The following RHCE variants were observed in gnomAD, a reference collection of about 807,000 sequenced individuals.
RHCE encodes blood group Rh(CE) polypeptide.
Under a neutral mutation model 43.8 loss-of-function variants are expected in RHCE, and 22 were observed. The ratio of observed to expected loss-of-function variants is 0.50; its 90% CI spans 0.36 to 0.72. The LOEUF is 0.72. RHCE is among the 30% of genes least tolerant of loss of function. The pLI, the probability that RHCE is intolerant of heterozygous loss-of-function variation, is 0.00. For synonymous variants in RHCE, 156 were observed against 210.7 expected (o/e 0.74, Z 2.25); for missense variants, 385 against 525.4 (o/e 0.73, Z 2.61).
intron 1 of RHCE, among the ~76,000 whole-genome samples, chr1:25,412,804 C>T (rs1647135812): frequency 6.7e-6 from 1 of 149,464 alleles, no homozygotes; most frequent in African/African-American, 2.5e-5. Context: ...GTGGGCAGAT[C>T]ACTTGAAGTC....
At chr1:25,396,294 C>T (rs181213544) in intron 3 of RHCE, among the ~76,000 whole-genome samples, 93 of 152,218 alleles carry the variant, frequency 6.1e-4, no homozygotes, top group Non-Finnish European at 9.4e-4. Flanking sequence ...TAATCCTCGA[C>T]CACAAAAAAT....
chr1:25,417,756 C>T (rs1244692702), intron 1 of RHCE, among the ~76,000 whole-genome samples: 1 of 152,104 alleles, frequency 6.6e-6, no homozygotes, highest in Non-Finnish European at 1.5e-5. Context: ...TAAAGTGTAA[C>T]ATATAACCAT....
intron 3 of RHCE, among the ~76,000 whole-genome samples, chr1:25,393,343 G>A (rs1189374559): frequency 2.0e-5 from 3 of 152,112 alleles, no homozygotes; most frequent in South Asian, 2.1e-4. Context: ...AAGTCAGGCC[G>A]GGCGTGGTGG....
intron 2 of RHCE, among the ~76,000 whole-genome samples, chr1:25,405,233 C>T (rs1457224656): frequency 2.6e-5 from 4 of 152,040 alleles, no homozygotes; most frequent in South Asian, 2.1e-4. Flanking sequence ...TGGTGTGCAC[C>T]CATAGTCCCA....
In RHCE at chr1:25,362,424, G is replaced by T; in HGVS notation, c.*103C>A. 1 of 1,613,566 alleles carries T rather than the reference G, an allele frequency of 6.2e-7. No homozygotes were observed. The highest frequency in any genetic ancestry group is 8.5e-7 in the Non-Finnish European group (1 of 1,179,770). On this transcript the variant is annotated 3_prime_UTR_variant, in exon 10 of 10. Coordinates refer to ENST00000294413, the MANE Select transcript of RHCE (RefSeq NM_020485.8). ...CTGACCTTGTTTCATTATACATAAG[G>T]AGACTTTGCTGTCATGAGCGTTTCT...
chr1:25,414,288 A>T (rs687749), intron 1 of RHCE, among the ~76,000 whole-genome samples: 1 of 151,502 alleles, frequency 6.6e-6, no homozygotes, highest in African/African-American at 2.4e-5. Context: ...CTGGATCTGC[A>T]CCCCCTCCCA....
upstream of RHCE, among the ~76,000 whole-genome samples, chr1:25,423,440 G>A (rs1223440221): frequency 5.3e-5 from 8 of 152,210 alleles, no homozygotes; most frequent in African/African-American, 1.7e-4. Flanking sequence ...GGCAAACAGC[G>A]TGGGTGGTGG....
intron 7 of RHCE, among the ~76,000 whole-genome samples, chr1:25,378,187 G>A (rs956595758): frequency 6.6e-6 from 1 of 152,236 alleles, no homozygotes; most frequent in Non-Finnish European, 1.5e-5. Context: ...AAAATGTGGA[G>A]TAAAAGGAGC....
chr1:25,371,180 T>C (rs1645602021), intron 8 of RHCE, among the ~76,000 whole-genome samples: 1 of 151,100 alleles, frequency 6.6e-6, no homozygotes, highest in Non-Finnish European at 1.5e-5. Flanking sequence ...CCACGAAAGC[T>C]GATCCATGTA....
At position 25,370,541 on chromosome 1, in the gene RHCE, C is replaced by A; in HGVS notation, c.1154-1G>T. The stretch of plus-strand genomic sequence containing the variant: ...CATATTTTGAGATTTAGGAGCAAAC[C>A]TGTTTAAATGCATAATTTAATGTTA... On this transcript the variant is annotated splice_acceptor_variant, in intron 8 of 9. Coordinates refer to ENST00000294413, the MANE Select transcript of RHCE (RefSeq NM_020485.8). LOFTEE classifies it high-confidence loss of function. 1 of 1,607,328 alleles carries A rather than the reference C, an allele frequency of 6.2e-7. No individual in the cohort carries two copies. Among genetic ancestry groups the A allele is most frequent in the Non-Finnish European group, 8.5e-7 (1 of 1,175,054 alleles).
In RHCE at chr1:25,381,205, C is replaced by A. The variant is rs553715161; in HGVS notation, c.1073+4506G>T. The stretch of plus-strand genomic sequence containing the variant: ...TTTCCATAAATGACTCTGGCACAGA[C>A]AAAGTTCAGCTAAGATCTTTGCTTC... On this transcript the variant is annotated intron_variant, in intron 7 of 9. Transcript: ENST00000294413. 3.3e-5 allele frequency among the ~76,000 whole-genome samples: 5 copies of A among 152,292 alleles called. 1 individual carries two copies. The highest frequency in any genetic ancestry group is 1.2e-4 in the African/African-American group (5 of 41,570).
chr1:25,390,934 G>A lies in RHCE; in HGVS notation c.635-19C>T, dbSNP rs778745783. 1.9e-6 allele frequency: 3 copies of A among 1,614,116 alleles called. No individual in the cohort carries two copies. On this transcript the variant is annotated intron_variant, in intron 4 of 9. Transcript: ENST00000294413. Reference sequence around the variant, plus strand: ...AGGGCGCCTGGGGGCCAGAGAGGGTGGTTGGCCAGAATCACACTCCTGCTC... The same window carrying A: ...AGGGCGCCTGGGGGCCAGAGAGGGTAGTTGGCCAGAATCACACTCCTGCTC...
At chr1:25,420,915 T>G, upstream of RHCE, 1 of 1,547,886 alleles carries the variant, frequency 6.5e-7, no homozygotes, top group Non-Finnish European at 8.7e-7. Flanking sequence ...GCTGCAAGGC[T>G]GGCTGTGCTG....
rs28477488 is a variant in RHCE at position 25,419,321 on chromosome 1, A to C, written c.148+1318T>G. 3.5e-3 allele frequency among the ~76,000 whole-genome samples: 527 copies of C among 152,358 alleles called. 4 individuals carry two copies. Among genetic ancestry groups the C allele is most frequent in the African/African-American group, 0.012 (499 of 41,582 alleles). The stretch of plus-strand genomic sequence containing the variant: ...ATTGAATTGTATTGGATTGAAATGA[A>C]TTAAAGTAAATTGAAATGAATTAAA... On this transcript the variant is annotated intron_variant, in intron 1 of 9. Coordinates refer to ENST00000294413, the MANE Select transcript of RHCE (RefSeq NM_020485.8).
At chr1:25,400,469 G>A (rs1475862333) in intron 3 of RHCE, among the ~76,000 whole-genome samples, 4 of 151,008 alleles carry the variant, frequency 2.6e-5, no homozygotes, top group Non-Finnish European at 2.9e-5. Flanking sequence ...CTCCTTTGCT[G>A]GCTCTTACAC....
intron 1 of RHCE, among the ~76,000 whole-genome samples, chr1:25,413,699 C>T (rs2982341): frequency 0.46 from 69,563 of 151,040 alleles, 16,689 homozygotes; most frequent in Non-Finnish European, 0.54. Flanking sequence ...CACTGTTCTA[C>T]GTGCCTTACA....
chr1:25,382,073 G>A (rs1028554153), intron 7 of RHCE, among the ~76,000 whole-genome samples: 1 of 151,388 alleles, frequency 6.6e-6, no homozygotes. Flanking sequence ...ATCACACGGT[G>A]AGAGGGCAAG....
intron 8 of RHCE, among the ~76,000 whole-genome samples, chr1:25,372,930 G>C (rs1645658624): frequency 6.6e-6 from 1 of 151,536 alleles, no homozygotes; most frequent in African/African-American, 2.4e-5. Context: ...TCAGCCTCCG[G>C]AGCAGCTGGG....
intron 6 of RHCE, among the ~76,000 whole-genome samples, chr1:25,388,611 A>G (rs1304080617): frequency 2.0e-5 from 3 of 152,186 alleles, no homozygotes; most frequent in African/African-American, 7.2e-5. Flanking sequence ...AAGAGGAGGA[A>G]GCAGGTCTAT....
Sources: allele counts gnomAD v4.1 joint callset (sites outside exome capture counted in the v4.1 genomes callset), GRCh38; gene constraint gnomAD v4.1.1; transcripts MANE v1.5; gene names NCBI Gene and HGNC (gene_info 2026-07-23, HGNC 2026-07-21).